SRBD1: variants seen among roughly 807,000 people sequenced by gnomAD.
The protein encoded by SRBD1 is S1 RNA-binding domain-containing protein 1.
In SRBD1, 88 loss-of-function variants were observed where a neutral mutation model predicts 115.3. That is an observed-to-expected ratio of 0.76 (90% confidence interval 0.64 to 0.91). The LOEUF (loss-of-function observed/expected upper bound fraction) is 0.91, where lower values mean the gene tolerates loss of function less well. Among genes scored for constraint, SRBD1 ranks in the 40% least tolerant of loss-of-function variants. The pLI, the probability that SRBD1 is intolerant of heterozygous loss-of-function variation, is 0.00. For missense variants in SRBD1, 1,385 were observed against 1,177.4 expected (o/e 1.18, Z -2.58); for synonymous variants, 509 against 407.7 (o/e 1.25, Z -2.99).
chr2:45,540,915 G>C (rs1195101970), intron 14 of SRBD1, among the ~76,000 whole-genome samples: 2 of 152,240 alleles, frequency 1.3e-5, no homozygotes, highest in South Asian at 4.1e-4. Context: ...AGAGAAACTA[G>C]TGTTACGGAA....
At chr2:45,449,234 C>T (rs951903346) in intron 16 of SRBD1, among the ~76,000 whole-genome samples, 1 of 152,054 alleles carries the variant, frequency 6.6e-6, no homozygotes, top group African/African-American at 2.4e-5. Flanking sequence ...CTAGTCAAAA[C>T]AAAGCAGGAC....
chr2:45,525,768 C>T (rs1383194993), intron 14 of SRBD1, among the ~76,000 whole-genome samples: 3 of 151,898 alleles, frequency 2.0e-5, no homozygotes, highest in African/African-American at 7.2e-5. Context: ...ATTAAACATA[C>T]TATCATGTGT....
intron 14 of SRBD1, among the ~76,000 whole-genome samples, chr2:45,524,923 T>C (rs1028736868): frequency 2.0e-5 from 3 of 151,984 alleles, no homozygotes; most frequent in Non-Finnish European, 4.4e-5. Flanking sequence ...GACAGTGTGG[T>C]TATGGCACAA....
chr2:45,444,706 T>C (rs1049239164), intron 16 of SRBD1, among the ~76,000 whole-genome samples: 3 of 152,204 alleles, frequency 2.0e-5, no homozygotes, highest in Non-Finnish European at 4.4e-5. Flanking sequence ...ATAATTTCAA[T>C]AATCTTTTTC....
At chr2:45,428,796 G>A (rs182120951) in intron 16 of SRBD1, among the ~76,000 whole-genome samples, 1 of 152,046 alleles carries the variant, frequency 6.6e-6, no homozygotes, top group African/African-American at 2.4e-5. Context: ...GCTAGCAGAA[G>A]ACAAGAAATA....
At position 45,472,365 on chromosome 2, in the gene SRBD1, T is replaced by C. The variant is rs181909629; in HGVS notation, c.2049+4628A>G. On this transcript the variant is annotated intron_variant, in intron 16 of 20. Coordinates refer to ENST00000263736, the MANE Select transcript of SRBD1 (RefSeq NM_018079.5). ...ATGAATGCGTTTCTTTTTGGGGTGATAAAAATGTTCTATTTTCACAACTCC... is the reference window on the plus strand; with the variant it reads ...ATGAATGCGTTTCTTTTTGGGGTGACAAAAATGTTCTATTTTCACAACTCC... Among the ~76,000 whole-genome samples, 6 of 152,326 alleles carry C rather than the reference T, an allele frequency of 3.9e-5. No individual in the cohort carries two copies. The East Asian group carries it at 1.2e-3, about 29-fold the overall frequency.
chr2:45,551,067 A>C (rs1467944727), intron 12 of SRBD1, 58 bp downstream of exon 12: 8 of 1,537,512 alleles, frequency 5.2e-6, no homozygotes, highest in Admixed American at 4.7e-5. Context: ...GAAATGTATG[A>C]AGTGAAACTT....
intron 5 of SRBD1, among the ~76,000 whole-genome samples, chr2:45,583,077 C>T (rs1673415033): frequency 6.6e-6 from 1 of 152,126 alleles, no homozygotes; most frequent in Admixed American, 6.6e-5. Context: ...TAATGCTTCT[C>T]ATCCTATTGT....
intron 4 of SRBD1, among the ~76,000 whole-genome samples, chr2:45,591,417 T>C (rs1243715012): frequency 6.6e-6 from 1 of 152,210 alleles, no homozygotes; most frequent in Non-Finnish European, 1.5e-5. Flanking sequence ...TCAGGGAGAC[T>C]GATTTGAGTA....
chr2:45,466,351 G>A (rs1669490517), intron 16 of SRBD1, among the ~76,000 whole-genome samples: 1 of 152,128 alleles, frequency 6.6e-6, no homozygotes, highest in Non-Finnish European at 1.5e-5. Context: ...TCCTGTGGAT[G>A]CCATCTCCTC....
At chr2:45,417,803 T>C (rs1461420758) in intron 18 of SRBD1, among the ~76,000 whole-genome samples, 1 of 152,182 alleles carries the variant, frequency 6.6e-6, no homozygotes, top group African/African-American at 2.4e-5. Context: ...TATGTCAGTA[T>C]AAAGTGGTCA....
At chr2:45,573,368 A>T (rs756318137) in intron 8 of SRBD1, 26 bp from the exon 9 acceptor site, 6 of 1,586,096 alleles carry the variant, frequency 3.8e-6, no homozygotes, top group Non-Finnish European at 5.1e-6. Flanking sequence ...AGTGTTCAAA[A>T]AACAAGCAGT....
chr2:45,499,465 G>C lies in SRBD1; in HGVS notation c.1875-11134C>G, dbSNP rs912479910. ...CAGTAGGTTGCTTCTTCACTTTGTT[G>C]ACTGTTTCCTTTGCTGTGCAGAAGC... On this transcript the variant is annotated intron_variant, in intron 14 of 20. Transcript: ENST00000263736. 7.9e-5 allele frequency among the ~76,000 whole-genome samples: 12 copies of C among 152,046 alleles called. No homozygotes were observed. The East Asian group carries it at 1.9e-3, about 24-fold the overall frequency.
At chr2:45,483,771 C>T (rs1205098288) in intron 15 of SRBD1, among the ~76,000 whole-genome samples, 1 of 152,038 alleles carries the variant, frequency 6.6e-6, no homozygotes. Flanking sequence ...GTCAACAACT[C>T]TAAATTAGAA....
rs138405357 is a variant in SRBD1, at chr2:45,421,135, C to T, written c.2050-1241G>A. ...CAACCAAGTTCATGTGGAAACTACA[C>T]CATGATTTACCACAGGGACAACAGC... On this transcript the variant is annotated intron_variant, in intron 16 of 20. Coordinates refer to ENST00000263736, the MANE Select transcript of SRBD1 (RefSeq NM_018079.5). 2.6e-3 allele frequency among the ~76,000 whole-genome samples: 397 copies of T among 152,236 alleles called. 3 individuals carry two copies. The highest frequency in any genetic ancestry group is 8.9e-3 in the African/African-American group (370 of 41,542).
At chr2:45,546,609 C>T in intron 14 of SRBD1, 123 bp downstream of exon 14, 1 of 954,050 alleles carries the variant, frequency 1.0e-6, no homozygotes, top group Non-Finnish European at 1.6e-6. Flanking sequence ...TCATGAACAC[C>T]AAGAGGTGGT....
chr2:45,457,127 A>G (rs1028299252), intron 16 of SRBD1, among the ~76,000 whole-genome samples: 6 of 151,958 alleles, frequency 3.9e-5, no homozygotes, highest in African/African-American at 1.4e-4. Flanking sequence ...GAGAAACAAA[A>G]TATAAAACTG....
At chr2:45,595,579 G>T (rs1558502328) in intron 4 of SRBD1, among the ~76,000 whole-genome samples, 1 of 152,140 alleles carries the variant, frequency 6.6e-6, no homozygotes, top group Non-Finnish European at 1.5e-5. Flanking sequence ...ATTCTTGTCA[G>T]TTCCCTCTTT....
chr2:45,466,454 CCTCCTTAAATAACTCTCTTCCTTAAA>C (rs1369791158), intron 16 of SRBD1, among the ~76,000 whole-genome samples: 4 of 152,084 alleles, frequency 2.6e-5, no homozygotes, highest in African/African-American at 9.7e-5. Context: ...CAAATCCTGA[CCTCCTTAAATAACTCTCTTCCTTAAA>C]CATTTGTATA....
Sources: allele counts gnomAD v4.1 joint callset (sites outside exome capture counted in the v4.1 genomes callset), GRCh38; gene constraint gnomAD v4.1.1; transcripts MANE v1.5; gene names NCBI Gene and HGNC (gene_info 2026-07-23, HGNC 2026-07-21).